LTBP4: variants seen among roughly 807,000 people sequenced by gnomAD.
LTBP4 encodes the protein latent transforming growth factor beta binding protein 4.
In LTBP4, 93 loss-of-function variants were observed where a neutral mutation model predicts 180.2. The ratio of observed to expected loss-of-function variants is 0.52; its 90% CI spans 0.44 to 0.61. The LOEUF (loss-of-function observed/expected upper bound fraction) is 0.61. LTBP4 is among the 20% of genes least tolerant of loss of function. LTBP4 has a pLI of 0.00. For missense variants in LTBP4, 2,116 were observed against 2,256.5 expected (o/e 0.94, Z 1.26); for synonymous variants, 947 against 934.5 (o/e 1.01, Z -0.24).
chr19:40,620,533 TG>T (rs1391160442), intron 22 of LTBP4, among the ~76,000 whole-genome samples: 1 of 151,972 alleles, frequency 6.6e-6, no homozygotes, highest in East Asian at 1.9e-4. Context: ...CCCAGCTCTC[TG>T]GGAGGCCAAG....
At chr19:40,624,509 T>G (rs1053595040) in intron 26 of LTBP4, among the ~76,000 whole-genome samples, 10 of 152,214 alleles carry the variant, frequency 6.6e-5, no homozygotes, top group African/African-American at 2.4e-4. Context: ...TTCTCCTGCC[T>G]CAGGCTCCCG....
Position 40,619,391 on chromosome 19 carries a change from C to T in LTBP4, c.3115C>T (p.Leu1039=), listed in dbSNP as rs753540136. The T allele has an allele frequency of 1.2e-6, 2 of 1,613,922 alleles. No individual in the cohort carries two copies. Among genetic ancestry groups the T allele is most frequent in the East Asian group, 2.2e-5 (1 of 44,870 alleles). The change falls in exon 22 of 30, where the codon CTG becomes TTG. Residue 1039 remains leucine (L), a synonymous_variant. Coordinates refer to ENST00000396819, the MANE Select transcript of LTBP4 (RefSeq NM_001042545.2). ...ETLQGVCGAA[L]CENVEGSFLC... ...ACTACAGGGTGTATGTGGAGCTGCC[C>T]TGTGTGAAAATGTCGAAGGCTCCTT... is the stretch of plus-strand genomic sequence containing the variant.
Position 40,611,374 on chromosome 19 carries a change from GGCCCGGGGCCCCCT to G in LTBP4, c.2037_2050del (p.Gly680ArgfsTer4). ...TGCCCTGCTGGCTTCCGCTCCCGAG[GGCCCGGGGCCCCCT>G]GCCAAGGTGAGGGTGCTGAGCCCAG... On this transcript the variant is annotated frameshift_variant, in exon 13 of 30. Coordinates refer to ENST00000396819, the MANE Select transcript of LTBP4 (RefSeq NM_001042545.2). LOFTEE classifies it high-confidence loss of function. The surrounding 1 kb of genome is among the most constrained non-coding windows in gnomAD (Gnocchi z 4.4). 6 of 1,607,092 alleles carry G rather than the reference GGCCCGGGGCCCCCT, an allele frequency of 3.7e-6. No homozygotes were observed. Among genetic ancestry groups the G allele is most frequent in the Non-Finnish European group, 5.1e-6 (6 of 1,177,776 alleles).
Position 40,629,504 on chromosome 19 carries a change from C to G in LTBP4, c.4628C>G (p.Pro1543Arg). The change falls in exon 30 of 30, where the codon CCC (proline) becomes CGC (arginine). Residue 1543 changes from proline to arginine, a missense_variant. Around this residue, in one of 5 missense-constraint regions of LTBP4, gnomAD observed 488 missense variants for 458.8 expected, o/e 1.06. Coordinates refer to ENST00000396819, the MANE Select transcript of LTBP4 (RefSeq NM_001042545.2). The surrounding 1 kb of genome is among the most constrained non-coding windows in gnomAD (Gnocchi z 4.5). ...FRCICRPGFA[P>R]THQPHHCAPA... ...TGCATCTGCCGCCCGGGATTCGCAC[C>G]CACGCACCAGCCGCACCACTGTGCG... 2 of 1,600,706 alleles carry G rather than the reference C, an allele frequency of 1.2e-6. 1 individual carries two copies. Among genetic ancestry groups the G allele is most frequent in the South Asian group, 2.2e-5 (2 of 90,622 alleles).
Position 40,611,543 on chromosome 19 carries a change from C to A in LTBP4, c.2053+149C>A. 1 of 1,236,582 alleles carries A rather than the reference C, an allele frequency of 8.1e-7. No individual in the cohort carries two copies. The highest frequency in any genetic ancestry group is 1.1e-6 in the Non-Finnish European group (1 of 908,394). The allele number at this position is 1,236,582 out of a possible 1,614,324, so 76.6% of individuals were successfully genotyped here. A position where few individuals can be genotyped will look rare whatever the true frequency, so the allele number is the denominator to read the frequency against. ...GGACCTCACTCCAGAGTCTTCTCTCCTTTCAACAAAATAAGGCAGTCCTCC... is the reference window on the plus strand; with the variant it reads ...GGACCTCACTCCAGAGTCTTCTCTCATTTCAACAAAATAAGGCAGTCCTCC... On this transcript the variant is annotated intron_variant, in intron 13 of 29. Coordinates refer to ENST00000396819, the MANE Select transcript of LTBP4 (RefSeq NM_001042545.2). The surrounding 1 kb of genome is among the most constrained non-coding windows in gnomAD (Gnocchi z 4.4).
Position 40,611,035 on chromosome 19 carries a change from C to G in LTBP4, c.1811-117C>G. On this transcript the variant is annotated intron_variant, in intron 12 of 29. Coordinates refer to ENST00000396819, the MANE Select transcript of LTBP4 (RefSeq NM_001042545.2). The surrounding 1 kb of genome is among the most constrained non-coding windows in gnomAD (Gnocchi z 4.4). ...AGGATGCAGAGTCAGATGATGGTGA[C>G]AAGGAGGAATAGAGATGGGGTCACG... 1 of 1,386,426 alleles carries G rather than the reference C, an allele frequency of 7.2e-7. No individual in the cohort carries two copies. The highest frequency in any genetic ancestry group is 1.0e-6 in the Non-Finnish European group (1 of 1,003,294). 85.9% of individuals were successfully genotyped at this position (1,386,426 alleles called of 1,614,324 possible).
intron 6 of LTBP4, among the ~76,000 whole-genome samples, chr19:40,607,125 T>A (rs1447590737): frequency 6.6e-6 from 1 of 152,174 alleles, no homozygotes; most frequent in African/African-American, 2.4e-5. Flanking sequence ...TATCTTCAGA[T>A]CTTGAGATCC....
upstream of LTBP4, chr19:40,599,407 G>T (rs1264832608): frequency 6.2e-7 from 1 of 1,612,718 alleles, no homozygotes. Context: ...CTTAGTCCCT[G>T]GCTGTCTCCG....
upstream of LTBP4, chr19:40,597,312 C>T (rs1308270827): frequency 4.6e-6 from 7 of 1,527,046 alleles, no homozygotes; most frequent in Middle Eastern, 1.8e-4. Context: ...CCGCCACCTC[C>T]GCCGCCAGCC....
rs746654098 is a variant in LTBP4 at position 40,613,246 on chromosome 19, C to T, written c.2431+50C>T. On this transcript the variant is annotated intron_variant, in intron 16 of 29. Coordinates refer to ENST00000396819, the MANE Select transcript of LTBP4 (RefSeq NM_001042545.2). This position sits in a 1 kb window ranked among gnomAD's most constrained non-coding sequence, Gnocchi z 5.0. Reference sequence around the variant, plus strand: ...AGAGTCTGGGAGTAGGGCCTGGGTTCCAGGGCAAAGCCGGCTGGAAAGGTG... The same window carrying T: ...AGAGTCTGGGAGTAGGGCCTGGGTTTCAGGGCAAAGCCGGCTGGAAAGGTG... The T allele has an allele frequency of 1.9e-6, 3 of 1,546,056 alleles. No homozygotes were observed. The South Asian group carries it at 3.6e-5, about 18-fold the overall frequency.
intron 12 of LTBP4, 89 bp downstream of exon 12, chr19:40,610,746 A>T (rs1187922701): frequency 6.8e-7 from 1 of 1,477,668 alleles, no homozygotes; most frequent in Non-Finnish European, 9.0e-7. Context: ...ACAATAGGGC[A>T]AAGCGAGTTG....
chr19:40,616,105 G>A (rs2081546854), intron 19 of LTBP4, among the ~76,000 whole-genome samples: 1 of 152,084 alleles, frequency 6.6e-6, no homozygotes, highest in African/African-American at 2.4e-5. Flanking sequence ...GCAGGACCAT[G>A]CTTTTGAGAA....
chr19:40,608,234 A>G lies in LTBP4; in HGVS notation c.1171A>G (p.Ile391Val). The G allele has an allele frequency of 6.2e-7, 1 of 1,613,878 alleles. No homozygotes were observed. The highest frequency in any genetic ancestry group is 8.5e-7 in the Non-Finnish European group (1 of 1,179,866). The change falls in exon 8 of 30, where the codon ATC (isoleucine) becomes GTC (valine). Residue 391 changes from isoleucine to valine, a missense_variant. Physicochemically the swap from Ile to Val is conservative, Grantham distance 29. This residue lies in a region of LTBP4 where 877 missense variants were observed against 873.6 expected (regional missense o/e 1.00). Transcript: ENST00000396819. ...CCTATTCCCAGAGGGTTTCCGGGAG[A>G]TCTGCCCGGCTGGTCCTGGTTACCA... is the stretch of plus-strand genomic sequence containing the variant. ...PPFGSEGFRE[I>V]CPAGPGYHYS...
intron 15 of LTBP4, 81 bp from the exon 16 acceptor site, chr19:40,612,984 C>A: frequency 6.9e-7 from 1 of 1,443,872 alleles, no homozygotes; most frequent in Non-Finnish European, 9.5e-7. Flanking sequence ...CCCACCACCT[C>A]CCCCAGACAC....
At position 40,622,982 on chromosome 19, in the gene LTBP4, G is replaced by A. The variant is rs2081597216; in HGVS notation, c.3517G>A (p.Gly1173Ser). The A allele has an allele frequency of 1.2e-6, 2 of 1,613,072 alleles. No individual in the cohort carries two copies. The highest frequency in any genetic ancestry group is 8.5e-7 in the Non-Finnish European group (1 of 1,179,640). Reference sequence around the variant, plus strand: ...CCAGTCATTGTGCCCTCACGGCCGGGGCTACCTGGCGCCCAGTGGAGACCT... The same window carrying A: ...CCAGTCATTGTGCCCTCACGGCCGGAGCTACCTGGCGCCCAGTGGAGACCT... ...EYQSLCPHGR[G>S]YLAPSGDLSL... Residue 1173 changes from glycine (G) to serine (S), a missense_variant, in exon 24 of 30, where the codon GGC (glycine) becomes AGC (serine). Physicochemically the swap from Gly to Ser is moderately conservative, Grantham distance 56. Around this residue, in one of 5 missense-constraint regions of LTBP4, gnomAD observed 278 missense variants for 373.0 expected, o/e 0.75. Transcript: ENST00000396819. The surrounding 1 kb of genome is among the most constrained non-coding windows in gnomAD (Gnocchi z 5.1).
In LTBP4 at chr19:40,614,430, C is replaced by T. The variant is rs2081532489; in HGVS notation, c.2796C>T (p.Pro932=). 6.3e-7 allele frequency: 1 copy of T among 1,599,032 alleles called. No homozygotes were observed. Among genetic ancestry groups the T allele is most frequent in the African/African-American group, 1.3e-5 (1 of 74,936 alleles). ...RDCDPGYHAG[P]EGTCDDVDEC... is the part of the protein sequence containing the mutation. Reference sequence around the variant, plus strand: ...GCGATCCTGGGTACCACGCGGGCCCCGAGGGCACCTGTGACGGTGAGCCTG... The same window carrying T: ...GCGATCCTGGGTACCACGCGGGCCCTGAGGGCACCTGTGACGGTGAGCCTG... Residue 932 remains proline (P), a synonymous_variant, in exon 19 of 30, where the codon CCC becomes CCT. Transcript: ENST00000396819.
At chr19:40,616,804 TTCTTAG>T in intron 19 of LTBP4, 79 bp from the exon 20 acceptor site, 1 of 1,500,322 alleles carries the variant, frequency 6.7e-7, no homozygotes, top group Non-Finnish European at 9.1e-7. Flanking sequence ...TGCTAAAGAC[TTCTTAG>T]TCTTGGGCAC....
chr19:40,611,001 G>A lies in LTBP4; in HGVS notation c.1811-151G>A, dbSNP rs1169036009. Reference sequence around the variant, plus strand: ...AGAACCAGCCAGGCAGCTTAGTAGGGATTGGTGGAGGATGCAGAGTCAGAT... The same window carrying A: ...AGAACCAGCCAGGCAGCTTAGTAGGAATTGGTGGAGGATGCAGAGTCAGAT... On this transcript the variant is annotated intron_variant, in intron 12 of 29. Coordinates refer to ENST00000396819, the MANE Select transcript of LTBP4 (RefSeq NM_001042545.2). This position sits in a 1 kb window ranked among gnomAD's most constrained non-coding sequence, Gnocchi z 4.4. 4 of 1,095,648 alleles carry A rather than the reference G, an allele frequency of 3.7e-6. No individual in the cohort carries two copies. Among genetic ancestry groups the A allele is most frequent in the Non-Finnish European group, 5.2e-6 (4 of 764,874 alleles). The allele number at this position is 1,095,648 out of a possible 1,614,324, so 67.9% of individuals were successfully genotyped here.
At chr19:40,621,779 C>T (rs575740572) in intron 22 of LTBP4, among the ~76,000 whole-genome samples, 57 of 152,212 alleles carry the variant, frequency 3.7e-4, no homozygotes, top group South Asian at 1.9e-3. Context: ...GACAGAGTCT[C>T]GCTCTGTCGC....
Sources: allele counts gnomAD v4.1 joint callset (sites outside exome capture counted in the v4.1 genomes callset), GRCh38; gene constraint gnomAD v4.1.1; regional missense constraint gnomAD v4.1.1; non-coding constraint Gnocchi (gnomAD v3.1); transcripts MANE v1.5; gene names NCBI Gene and HGNC (gene_info 2026-07-23, HGNC 2026-07-21).